The following TRIM77 variants were observed in gnomAD, a reference collection of about 807,000 sequenced individuals.
The protein encoded by TRIM77 is tripartite motif-containing protein 77.
Under a neutral mutation model 31.8 loss-of-function variants are expected in TRIM77, and 23 were observed. The observed-to-expected ratio is 0.72, with a 90% CI of 0.52 to 1.02. The LOEUF is 1.02. Ranked by LOEUF, TRIM77 falls within the 50% of genes least tolerant of loss-of-function variation. The probability of loss-of-function intolerance (pLI) is 0.00; values close to 1 mark genes in which losing one functional copy is unlikely to be tolerated. For missense variants in TRIM77, 446 were observed against 539.2 expected (o/e 0.83, Z 1.71); for synonymous variants, 159 against 183.1 (o/e 0.87, Z 1.06).
Position 89,717,698 on chromosome 11 carries a change from C to T in TRIM77, c.1179C>T (p.Ser393=), listed in dbSNP as rs1208427213. ...ACCATTTCAGTCTCTTCTCTACCTC[C>T]CCACTGTTACCTCACTATATTCCAA... ...VDDHFSLFST[S]PLLPHYIPRP... is the part of the protein sequence containing the mutation. Residue 393 remains serine (S), a synonymous_variant, in exon 6 of 6, where the codon TCC becomes TCT. Transcript: ENST00000398290. 2.6e-6 allele frequency: 4 copies of T among 1,551,120 alleles called. No individual in the cohort carries two copies. The East Asian group carries it at 7.3e-5, about 28-fold the overall frequency.
At chr11:89,715,364 T>C (rs1276134346) in intron 4 of TRIM77, among the ~76,000 whole-genome samples, 184 bp downstream of exon 4, 1 of 152,220 alleles carries the variant, frequency 6.6e-6, no homozygotes, top group Non-Finnish European at 1.5e-5. Flanking sequence ...GCAGTTTTAA[T>C]TGCAAGGCCT....
At chr11:89,714,083 A>G in intron 2 of TRIM77, 109 bp from the exon 3 acceptor site, 1 of 713,978 alleles carries the variant, frequency 1.4e-6, no homozygotes, top group Non-Finnish European at 2.3e-6. Flanking sequence ...GAAAAGCATT[A>G]AACTATATTT....
chr11:89,717,394 A>G lies in TRIM77; in HGVS notation c.875A>G (p.Asp292Gly), dbSNP rs1454908243. ...LNFFRVYITL[D>G]RKICSNHKLL... Reference sequence around the variant, plus strand: ...TTTGCCATAGTGTATATCACCTTGGATCGTAAGATATGCAGTAATCACAAG... The same window carrying G: ...TTTGCCATAGTGTATATCACCTTGGGTCGTAAGATATGCAGTAATCACAAG... The change falls in exon 6 of 6, where the codon GAT becomes GGT. Residue 292 changes from aspartate (D) to glycine (G), a missense_variant. Physicochemically the swap from Asp to Gly is moderately conservative, Grantham distance 94. Coordinates refer to ENST00000398290, the MANE Select transcript of TRIM77 (RefSeq NM_001146162.1). 3.2e-6 allele frequency: 5 copies of G among 1,549,370 alleles called. No homozygotes were observed. The East Asian group carries it at 9.8e-5, about 30-fold the overall frequency.
Position 89,711,475 on chromosome 11 carries a change from CA to C in TRIM77, c.478del (p.Arg160GlufsTer5). 1.1e-5 allele frequency: 17 copies of C among 1,516,794 alleles called. No homozygotes were observed. Among genetic ancestry groups the C allele is most frequent in the Non-Finnish European group, 1.5e-5 (17 of 1,131,942 alleles). 94.0% of individuals were successfully genotyped at this position (1,516,794 alleles called of 1,614,324 possible). A position where few individuals can be genotyped will look rare whatever the true frequency, so the allele number is the denominator to read the frequency against. ...AACAGAAAAATCAAAGAAATCTAAA[CA>C]GAGAGACCAACATAATCGGAACATG... ...KKQKNQRNLNRETNIIGTWEV... is the reference protein window; with the variant it reads ...KKQKNQRNLNXETNIIGTWEV... On this transcript the variant is annotated frameshift_variant, in exon 2 of 6. Transcript: ENST00000398290. LOFTEE classifies it high-confidence loss of function.
chr11:89,715,988 G>A lies in TRIM77; in HGVS notation c.859+1G>A. ...TCAGAAAGGCTTAACTTCTTCAGAGGTAAGAGTGTGAACTGCACTAATGTT... is the reference window on the plus strand; with the variant it reads ...TCAGAAAGGCTTAACTTCTTCAGAGATAAGAGTGTGAACTGCACTAATGTT... On this transcript the variant is annotated splice_donor_variant, in intron 5 of 5. Transcript: ENST00000398290. LOFTEE classifies it high-confidence loss of function. The A allele has an allele frequency of 6.5e-7, 1 of 1,540,988 alleles. No homozygotes were observed. The highest frequency in any genetic ancestry group is 2.0e-5 in the Admixed American group (1 of 50,876).
chr11:89,714,555 T>C (rs1273681881), intron 3 of TRIM77, 133 bp downstream of exon 3: 2 of 676,334 alleles, frequency 3.0e-6, no homozygotes, highest in East Asian at 2.7e-5. Flanking sequence ...CCTGGCCTTA[T>C]GGTGGCAGGT....
At chr11:89,710,812 G>A in intron 1 of TRIM77, 103 bp downstream of exon 1, 1 of 1,028,864 alleles carries the variant, frequency 9.7e-7, no homozygotes, top group Admixed American at 3.0e-5. Flanking sequence ...ATAATTTTAT[G>A]CAATAAACAA....
chr11:89,714,662 T>C (rs555468380), intron 3 of TRIM77, among the ~76,000 whole-genome samples: 17 of 152,348 alleles, frequency 1.1e-4, no homozygotes, highest in African/African-American at 4.1e-4. Context: ...AGGAAAATTC[T>C]CTTCTAAAAT....
At chr11:89,715,606 G>T (rs1179908445) in intron 4 of TRIM77, among the ~76,000 whole-genome samples, 1 of 152,184 alleles carries the variant, frequency 6.6e-6, no homozygotes, top group African/African-American at 2.4e-5. Flanking sequence ...ACAGCTATCA[G>T]ATTTCAGAAA....
rs575462413 is a variant in TRIM77, at chr11:89,712,272, T to C, written c.507+767T>C. 2.6e-5 allele frequency among the ~76,000 whole-genome samples: 4 copies of C among 152,276 alleles called. No individual in the cohort carries two copies. The South Asian group carries it at 8.3e-4, about 32-fold the overall frequency. On this transcript the variant is annotated intron_variant, in intron 2 of 5. Transcript: ENST00000398290. ...GCCAAAGGGGAACAAAAAAATCATG[T>C]TGATCATTTCAGATGGATTTTCTGA...
Position 89,715,938 on chromosome 11 carries a change from C to T in TRIM77, c.810C>T (p.Leu270=). The change falls in exon 5 of 6, where the codon CTC becomes CTT. Residue 270 remains leucine, a synonymous_variant. Coordinates refer to ENST00000398290, the MANE Select transcript of TRIM77 (RefSeq NM_001146162.1). ...LAMPQPVNPQ[L]SAWTITGVSE... ...TGCCTCAGCCTGTGAACCCACAGCTCAGTGCATGGACCATCACTGGGGTGT... is the reference window on the plus strand; with the variant it reads ...TGCCTCAGCCTGTGAACCCACAGCTTAGTGCATGGACCATCACTGGGGTGT... The T allele has an allele frequency of 1.9e-6, 3 of 1,547,994 alleles. No homozygotes were observed. Among genetic ancestry groups the T allele is most frequent in the Non-Finnish European group, 2.6e-6 (3 of 1,144,204 alleles).
chr11:89,712,321 C>T (rs1000574934), intron 2 of TRIM77, among the ~76,000 whole-genome samples: 1 of 152,002 alleles, frequency 6.6e-6, no homozygotes, highest in African/African-American at 2.4e-5. Flanking sequence ...CTCGTGAGGG[C>T]CTATCATGTG....
At chr11:89,713,315 G>A (rs1461350761) in intron 2 of TRIM77, among the ~76,000 whole-genome samples, 1 of 148,982 alleles carries the variant, frequency 6.7e-6, no homozygotes, top group Non-Finnish European at 1.5e-5. Flanking sequence ...GAGTAGCCTG[G>A]CATGGCGGCA....
Position 89,717,496 on chromosome 11 carries a change from A to T in TRIM77, c.977A>T (p.Gln326Leu). 6.4e-7 allele frequency: 1 copy of T among 1,551,604 alleles called. No homozygotes were observed. The highest frequency in any genetic ancestry group is 8.7e-7 in the Non-Finnish European group (1 of 1,146,910). The change falls in exon 6 of 6, where the codon CAG becomes CTG. Residue 326 changes from glutamine (Q) to leucine (L), a missense_variant. This residue lies in a region of TRIM77 where 366 missense variants were observed against 447.9 expected (regional missense o/e 0.82). Transcript: ENST00000398290. ...ATGTCCTGTAATCCAACAAGTACAC[A>T]GTATACTTCTTCATGGGGAGCTCAG... ...TDMSCNPTST[Q>L]YTSSWGAQIL...
chr11:89,713,466 A>G (rs1374328981), intron 2 of TRIM77, among the ~76,000 whole-genome samples: 26 of 133,554 alleles, frequency 1.9e-4, no homozygotes, highest in African/African-American at 7.2e-4. Context: ...AATAATAATA[A>G]TAATAATAAT....
Position 89,710,660 on chromosome 11 carries a change from A to C in TRIM77, c.362A>C (p.His121Pro). The change falls in exon 1 of 6, where the codon CAT becomes CCT. Residue 121 changes from histidine (H) to proline (P), a missense_variant. Coordinates refer to ENST00000398290, the MANE Select transcript of TRIM77 (RefSeq NM_001146162.1). ...TTTCTATGCTCTCAATCCCCAAGGC[A>C]TGCTACTCACAAACACTATATGACA... is the stretch of plus-strand genomic sequence containing the variant. ...LCFLCSQSPRHATHKHYMTRE... is the reference protein window; with the variant it reads ...LCFLCSQSPRPATHKHYMTRE... 1 of 1,550,714 alleles carries C rather than the reference A, an allele frequency of 6.4e-7. No individual in the cohort carries two copies. The highest frequency in any genetic ancestry group is 8.7e-7 in the Non-Finnish European group (1 of 1,146,412).
intron 2 of TRIM77, among the ~76,000 whole-genome samples, chr11:89,712,987 A>G (rs1205577428): frequency 2.0e-5 from 3 of 152,106 alleles, no homozygotes; most frequent in Non-Finnish European, 4.4e-5. Context: ...TGAAAAAGTA[A>G]TTGAGGTCCG....
In TRIM77 at chr11:89,710,433, T is replaced by C. The variant is rs371620827; in HGVS notation, c.135T>C (p.Asp45=). 6.4e-6 allele frequency: 10 copies of C among 1,551,826 alleles called. No individual in the cohort carries two copies. Among genetic ancestry groups the C allele is most frequent in the Non-Finnish European group, 1.7e-6 (2 of 1,147,008 alleles). The change falls in exon 1 of 6, where the codon GAT becomes GAC. Residue 45 remains aspartate (D), a synonymous_variant. Coordinates refer to ENST00000398290, the MANE Select transcript of TRIM77 (RefSeq NM_001146162.1). The part of the protein sequence containing the change: ...CSPCLCLLWE[D]TLTPNCCPVC... ...CCTGTCTCTGCCTCTTGTGGGAAGATACACTAACTCCTAATTGCTGCCCTG... is the reference window on the plus strand; with the variant it reads ...CCTGTCTCTGCCTCTTGTGGGAAGACACACTAACTCCTAATTGCTGCCCTG...
Position 89,711,508 on chromosome 11 carries a change from A to T in TRIM77, c.507+3A>T. 6.8e-7 allele frequency: 1 copy of T among 1,477,358 alleles called. No homozygotes were observed. Among genetic ancestry groups the T allele is most frequent in the South Asian group, 1.3e-5 (1 of 76,018 alleles). The allele number at this position is 1,477,358 out of a possible 1,614,324, so 91.5% of individuals were successfully genotyped here. On this transcript the variant is annotated splice_donor_region_variant and intron_variant, in intron 2 of 5. Coordinates refer to ENST00000398290, the MANE Select transcript of TRIM77 (RefSeq NM_001146162.1). ...CCAACATAATCGGAACATGGGAAGT[A>T]AGCAGTAAGCTCATTTCTCTCAGAA...
Sources: gnomAD v4.1 joint callset for allele counts (sites outside exome capture counted in the v4.1 genomes callset) on GRCh38, gnomAD v4.1.1 for gene constraint, gnomAD v4.1.1 regional missense constraint, MANE v1.5 for transcripts, NCBI Gene and HGNC (gene_info 2026-07-23, HGNC 2026-07-21) for gene names.